CCSER1: variants seen among roughly 807,000 people sequenced by gnomAD.
The protein encoded by CCSER1 is serine-rich coiled-coil domain-containing protein 1.
A neutral mutation model predicts 82.0 loss-of-function variants in CCSER1; 41 were observed. That is an observed-to-expected ratio of 0.50 (90% confidence interval 0.39 to 0.65). The LOEUF is 0.65. CCSER1 is among the 30% of genes least tolerant of loss of function. CCSER1 has a pLI of 0.00. For synonymous variants in CCSER1, 414 were observed against 383.9 expected (o/e 1.08, Z -0.92); for missense variants, 1,119 against 1,064.2 (o/e 1.05, Z -0.72).
chr4:91,153,253 A>G (rs1304768493), intron 10 of CCSER1, among the ~76,000 whole-genome samples: 2 of 151,716 alleles, frequency 1.3e-5, no homozygotes, highest in Non-Finnish European at 2.9e-5. Context: ...ACTTCATTTC[A>G]TTCATTTGAT....
chr4:90,204,386 G>A (rs1282567559), intron 1 of CCSER1, among the ~76,000 whole-genome samples: 1 of 152,074 alleles, frequency 6.6e-6, no homozygotes, highest in East Asian at 1.9e-4. Flanking sequence ...GTAAGGAAGG[G>A]GTCCAGTTTC....
intron 10 of CCSER1, among the ~76,000 whole-genome samples, chr4:91,338,981 C>A (rs1222151645): frequency 6.6e-6 from 1 of 152,256 alleles, no homozygotes; most frequent in African/African-American, 2.4e-5. Context: ...CTTTACCATT[C>A]AATTTCTCTT....
chr4:91,446,728 T>A (rs1353352507), intron 10 of CCSER1, among the ~76,000 whole-genome samples: 1 of 148,810 alleles, frequency 6.7e-6, no homozygotes, highest in East Asian at 2.0e-4. Flanking sequence ...ATATTATTTT[T>A]AAATATTTTT....
intron 9 of CCSER1, among the ~76,000 whole-genome samples, chr4:91,009,029 G>A (rs1029157805): frequency 5.3e-5 from 8 of 152,190 alleles, no homozygotes; most frequent in East Asian, 3.9e-4. Flanking sequence ...TAGCCTGATC[G>A]GGAGCGGCAA....
chr4:90,413,584 A>G (rs1223474972), intron 4 of CCSER1, among the ~76,000 whole-genome samples: 1 of 152,142 alleles, frequency 6.6e-6, no homozygotes, highest in African/African-American at 2.4e-5. Flanking sequence ...TGGTATAAAA[A>G]TGATACGGGG....
Position 90,456,186 on chromosome 4 carries a change from GA to G in CCSER1, c.1604-12042del, listed in dbSNP as rs976770946. On this transcript the variant is annotated intron_variant, in intron 4 of 10. Transcript: ENST00000509176. ...TTCAGGGGTGGGGAAGGTGCCTGGG[GA>G]AAAAACCTTTTGCCCTGTGCAAATG... 5.3e-5 allele frequency among the ~76,000 whole-genome samples: 8 copies of G among 152,208 alleles called. No homozygotes were observed. The East Asian group carries it at 1.4e-3, about 26-fold the overall frequency.
At position 90,986,468 on chromosome 4, in the gene CCSER1, A is replaced by T. The variant is rs529835956; in HGVS notation, c.2172+63021A>T. Among the ~76,000 whole-genome samples the T allele has an allele frequency of 8.6e-5, 13 of 151,940 alleles. 1 individual carries two copies. The South Asian group carries it at 2.7e-3, about 31-fold the overall frequency. ...CTGAAACAAAAATTGCTAAAGAAAA[A>T]ATAGAGTGTATATATGAACCTGTAT... On this transcript the variant is annotated intron_variant, in intron 9 of 10. Coordinates refer to ENST00000509176, the MANE Select transcript of CCSER1 (RefSeq NM_001145065.2).
chr4:91,064,484 C>T (rs568200421), intron 9 of CCSER1, among the ~76,000 whole-genome samples: 16 of 152,308 alleles, frequency 1.1e-4, no homozygotes, highest in South Asian at 6.2e-4. Flanking sequence ...TTCTTTCTTC[C>T]GGCAATTAAA....
chr4:90,135,020 T>C (rs1194488776), intron 1 of CCSER1, among the ~76,000 whole-genome samples: 1 of 152,232 alleles, frequency 6.6e-6, no homozygotes, highest in East Asian at 1.9e-4. Flanking sequence ...TTAACTAATT[T>C]TTCACTTATG....
At chr4:90,209,170 T>G (rs953210122) in intron 1 of CCSER1, among the ~76,000 whole-genome samples, 1 of 152,134 alleles carries the variant, frequency 6.6e-6, no homozygotes, top group Non-Finnish European at 1.5e-5. Context: ...CTCCCTTCAC[T>G]GTATAAAGAA....
intron 10 of CCSER1, among the ~76,000 whole-genome samples, chr4:91,574,582 G>A (rs1353693687): frequency 6.6e-6 from 1 of 152,080 alleles, no homozygotes; most frequent in Non-Finnish European, 1.5e-5. Flanking sequence ...ATGAGATTAT[G>A]TCATTTGCAG....
intron 10 of CCSER1, among the ~76,000 whole-genome samples, chr4:91,203,944 A>G (rs1267253417): frequency 1.3e-5 from 2 of 151,888 alleles, no homozygotes; most frequent in East Asian, 1.9e-4. Context: ...ATAGTGTTTG[A>G]TAACTTTAAA....
intron 10 of CCSER1, among the ~76,000 whole-genome samples, chr4:91,313,822 G>A (rs1443548755): frequency 6.6e-6 from 1 of 151,880 alleles, no homozygotes; most frequent in East Asian, 1.9e-4. Flanking sequence ...CTGCCAGGCT[G>A]GATAAAGCTA....
At chr4:91,076,097 A>G (rs1219399451) in intron 9 of CCSER1, among the ~76,000 whole-genome samples, 1 of 152,108 alleles carries the variant, frequency 6.6e-6, no homozygotes, top group Admixed American at 6.6e-5. Flanking sequence ...CTCCTTTGAA[A>G]CACAATCTTG....
At chr4:91,363,438 C>A (rs1490645227) in intron 10 of CCSER1, among the ~76,000 whole-genome samples, 6 of 150,318 alleles carry the variant, frequency 4.0e-5, no homozygotes, top group African/African-American at 1.2e-4. Flanking sequence ...AAGATGCCAA[C>A]AACAGCTAAG....
At chr4:90,927,119 T>C (rs1581109379) in intron 9 of CCSER1, among the ~76,000 whole-genome samples, 1 of 152,184 alleles carries the variant, frequency 6.6e-6, no homozygotes, top group East Asian at 1.9e-4. Context: ...TTTCATTAAT[T>C]TGACATCTTT....
At chr4:90,767,306 A>ATT (rs142916915) in intron 7 of CCSER1, among the ~76,000 whole-genome samples, 3 of 150,784 alleles carry the variant, frequency 2.0e-5, no homozygotes, top group East Asian at 2.0e-4. Context: ...ATGTAGAGCA[A>ATT]TTTTTTTTTT....
At chr4:91,437,410 A>C (rs987412971) in intron 10 of CCSER1, among the ~76,000 whole-genome samples, 7 of 152,210 alleles carry the variant, frequency 4.6e-5, no homozygotes, top group African/African-American at 1.4e-4. Flanking sequence ...GCAGCTACGT[A>C]ATTATAGATC....
intron 10 of CCSER1, among the ~76,000 whole-genome samples, chr4:91,580,300 G>A (rs1763667972): frequency 6.6e-6 from 1 of 151,804 alleles, no homozygotes; most frequent in South Asian, 2.1e-4. Context: ...TCACTATGTT[G>A]ACATTCTTCT....
Sources: gnomAD v4.1 joint callset for allele counts (sites outside exome capture counted in the v4.1 genomes callset) on GRCh38, gnomAD v4.1.1 for gene constraint, MANE v1.5 for transcripts, NCBI Gene and HGNC (gene_info 2026-07-23, HGNC 2026-07-21) for gene names.